The following RSF1 variants were observed in gnomAD, a reference collection of about 807,000 sequenced individuals.
RSF1 encodes the protein remodeling and spacing factor 1, also known as HBV pX-associated protein 8.
A neutral mutation model predicts 145.2 loss-of-function variants in RSF1; 13 were observed. That is an observed-to-expected ratio of 0.09 (90% CI 0.06 to 0.14). The LOEUF is 0.14. RSF1 is among the 10% of genes least tolerant of loss of function. RSF1 has a pLI of 1.00. For synonymous variants in RSF1, 577 were observed against 592.6 expected (o/e 0.97, Z 0.38); for missense variants, 1,517 against 1,718.2 (o/e 0.88, Z 2.07).
intron 11 of RSF1, among the ~76,000 whole-genome samples, chr11:77,683,215 C>G (rs369946180): frequency 6.6e-6 from 1 of 152,162 alleles, no homozygotes; most frequent in African/African-American, 2.4e-5. Context: ...CGCTTGAACC[C>G]GAGAGGTGGA....
chr11:77,788,286 C>T (rs1025044349), intron 1 of RSF1, among the ~76,000 whole-genome samples: 2 of 147,530 alleles, frequency 1.4e-5, no homozygotes, highest in African/African-American at 5.0e-5. Context: ...AAACCTGACC[C>T]AGAAATTACT....
At chr11:77,822,230 T>C (rs1364003772), upstream of RSF1, among the ~76,000 whole-genome samples, 1 of 151,832 alleles carries the variant, frequency 6.6e-6, no homozygotes, top group Non-Finnish European at 1.5e-5. Flanking sequence ...ACCTGAGCTC[T>C]GCAGTTCCAG....
At chr11:77,779,515 T>A (rs1160042612) in intron 1 of RSF1, among the ~76,000 whole-genome samples, 1 of 151,990 alleles carries the variant, frequency 6.6e-6, no homozygotes, top group Non-Finnish European at 1.5e-5. Context: ...CCCAAGTAGC[T>A]GGGATTACAG....
At chr11:77,798,612 A>C (rs1456978188) in intron 1 of RSF1, among the ~76,000 whole-genome samples, 1 of 142,752 alleles carries the variant, frequency 7.0e-6, no homozygotes, top group African/African-American at 2.7e-5. Context: ...AAAAAAAAAA[A>C]AAAAAAAAAA....
the RSF1 span, among the ~76,000 whole-genome samples, chr11:77,836,747 C>T: frequency 6.6e-6 from 1 of 152,194 alleles, no homozygotes; most frequent in Admixed American, 6.5e-5. Context: ...GGGTGGATCG[C>T]CTGAGGCTGG....
chr11:77,779,398 T>C (rs76462887), intron 1 of RSF1, among the ~76,000 whole-genome samples: 1 of 152,000 alleles, frequency 6.6e-6, no homozygotes, highest in South Asian at 2.1e-4. Context: ...TTTTTTTTTT[T>C]TGAGATGGAG....
intron 1 of RSF1, among the ~76,000 whole-genome samples, chr11:77,769,990 G>C (rs1229387316): frequency 6.6e-6 from 1 of 152,120 alleles, no homozygotes; most frequent in African/African-American, 2.4e-5. Context: ...ACTCTCTTGG[G>C]GGAGCAGTTT....
At chr11:77,829,593 T>C in the RSF1 span, 1 of 152,224 alleles carries the variant, frequency 6.6e-6, no homozygotes, top group African/African-American at 2.4e-5. Context: ...ATTCATTCCA[T>C]ATAAATAATT....
chr11:77,872,171 C>T, the RSF1 span: 5 of 1,611,456 alleles, frequency 3.1e-6, no homozygotes, highest in Middle Eastern at 1.7e-4. Context: ...TTCCACCTTC[C>T]CAGGTGCCTT....
chr11:77,721,645 A>G (rs1045514179), intron 5 of RSF1, among the ~76,000 whole-genome samples: 1 of 152,226 alleles, frequency 6.6e-6, no homozygotes, highest in African/African-American at 2.4e-5. Context: ...ATGATCTGAC[A>G]ATATAGGCAA....
At chr11:77,789,459 G>A (rs1458159454) in intron 1 of RSF1, among the ~76,000 whole-genome samples, 1 of 152,178 alleles carries the variant, frequency 6.6e-6, no homozygotes, top group Non-Finnish European at 1.5e-5. Context: ...TGCCGCCGGG[G>A]CTGAGGCACA....
rs970976989 is a variant in RSF1 at position 77,666,653 on chromosome 11, A to G, written c.*264T>C. The G allele has an allele frequency of 3.1e-5, 9 of 288,076 alleles. No homozygotes were observed. In the East Asian group the frequency reaches 3.7e-4, roughly 12 times the overall value. 17.8% of individuals were successfully genotyped at this position (288,076 alleles called of 1,614,324 possible). Reference sequence around the variant, plus strand: ...AAATATACAAATCTTTGTTGTTATTATAATAAGATTTTTTTCCATGAATGA... The same window carrying G: ...AAATATACAAATCTTTGTTGTTATTGTAATAAGATTTTTTTCCATGAATGA... On this transcript the variant is annotated 3_prime_UTR_variant, in exon 16 of 16. Coordinates refer to ENST00000308488, the MANE Select transcript of RSF1 (RefSeq NM_016578.4).
intron 14 of RSF1, among the ~76,000 whole-genome samples, chr11:77,674,283 C>CA (rs1030088661): frequency 6.6e-6 from 1 of 152,224 alleles, no homozygotes; most frequent in Non-Finnish European, 1.5e-5. Context: ...TGACACCTAT[C>CA]AATTTGCCAA....
At chr11:77,789,938 C>G (rs567772025) in intron 1 of RSF1, among the ~76,000 whole-genome samples, 1 of 152,186 alleles carries the variant, frequency 6.6e-6, no homozygotes, top group Non-Finnish European at 1.5e-5. Context: ...TACCTGCAGA[C>G]GCCACCTGCA....
chr11:77,781,530 A>T (rs1168688923), intron 1 of RSF1, among the ~76,000 whole-genome samples: 2 of 152,212 alleles, frequency 1.3e-5, no homozygotes, highest in Non-Finnish European at 2.9e-5. Flanking sequence ...GACAGGTTTA[A>T]CCTAATAAGA....
intron 3 of RSF1, among the ~76,000 whole-genome samples, chr11:77,742,550 T>C (rs1394534148): frequency 1.3e-5 from 2 of 152,144 alleles, no homozygotes; most frequent in Non-Finnish European, 2.9e-5. Context: ...AGTGCTGGGA[T>C]TACAGGCATG....
chr11:77,780,258 A>T (rs1948389363), intron 1 of RSF1, among the ~76,000 whole-genome samples: 1 of 152,258 alleles, frequency 6.6e-6, no homozygotes, highest in Non-Finnish European at 1.5e-5. Context: ...TAACCCAAGT[A>T]ACTAACTGAT....
intron 2 of RSF1, among the ~76,000 whole-genome samples, chr11:77,756,276 TGA>T (rs1489634003): frequency 6.7e-6 from 1 of 150,094 alleles, no homozygotes; most frequent in Non-Finnish European, 1.5e-5. Context: ...GAGAGTCCCT[TGA>T]ACCCAGGAGG....
intron 2 of RSF1, among the ~76,000 whole-genome samples, chr11:77,753,104 C>A (rs1948080776): frequency 6.6e-6 from 1 of 152,246 alleles, no homozygotes; most frequent in Non-Finnish European, 1.5e-5. Flanking sequence ...GCCCTCAAGG[C>A]TGCTCTGCCT....
Sources: gnomAD v4.1 joint callset for allele counts (sites outside exome capture counted in the v4.1 genomes callset) on GRCh38, gnomAD v4.1.1 for gene constraint, MANE v1.5 for transcripts, NCBI Gene and HGNC (gene_info 2026-07-23, HGNC 2026-07-21) for gene names.